The following IQANK1 variants were observed in gnomAD, a reference collection of about 807,000 sequenced individuals.
IQANK1 encodes the protein IQ motif and ankyrin repeat containing 1.
In IQANK1, 30 loss-of-function variants were observed where a neutral mutation model predicts 22.6. That is an observed-to-expected ratio of 1.33 (90% CI 0.99 to 1.80). IQANK1 has a LOEUF of 1.80. Ranked by LOEUF, IQANK1 falls within the 40% of genes most tolerant of loss-of-function variation. The pLI is 0.00. For synonymous variants in IQANK1, 122 were observed against 99.6 expected (o/e 1.23, Z -1.34); for missense variants, 275 against 235.2 (o/e 1.17, Z -1.11).
chr8:143,770,314 T>C (rs1437428574), intron 3 of IQANK1, among the ~76,000 whole-genome samples: 1 of 152,248 alleles, frequency 6.6e-6, no homozygotes. Context: ...GAGTGTTTGC[T>C]CTTTGCTTGC....
chr8:143,751,664 G>GTGTGTGTATATA lies in IQANK1; in HGVS notation c.175+11717_175+11718insGTGTGTATATAT, dbSNP rs370428606. ...TGTGTGTGTGTGTGTGTGTGTGTGTGTATATATATATATAAAATCCTATAC... is the reference window on the plus strand; with the variant it reads ...TGTGTGTGTGTGTGTGTGTGTGTGTGTGTGTGTATATATATATATATATATAAAATCCTATAC... On this transcript the variant is annotated intron_variant, in intron 3 of 13. Transcript: ENST00000527139. 3.1e-4 allele frequency among the ~76,000 whole-genome samples: 19 copies of GTGTGTGTATATA among 61,548 alleles called. 1 individual carries two copies. The highest frequency in any genetic ancestry group is 8.3e-4 in the African/African-American group (19 of 22,860). 40.4% of individuals were successfully genotyped at this position (61,548 alleles called of 152,430 possible). A position where few individuals can be genotyped will look rare whatever the true frequency, so the allele number is the denominator to read the frequency against.
chr8:143,760,640 T>C (rs1554628821), intron 3 of IQANK1: 3 of 152,044 alleles, frequency 2.0e-5, no homozygotes, highest in Non-Finnish European at 4.4e-5. Context: ...CCTGAGCGTG[T>C]CACTGCAATC....
intron 3 of IQANK1, chr8:143,745,398 G>A: frequency 6.6e-6 from 1 of 152,278 alleles, no homozygotes; most frequent in East Asian, 1.9e-4. Context: ...CTCCTGCCAG[G>A]AGTTCACTCA....
At chr8:143,785,196 G>C (rs1819863705) in intron 7 of IQANK1, among the ~76,000 whole-genome samples, 2 of 149,572 alleles carry the variant, frequency 1.3e-5, no homozygotes, top group South Asian at 4.3e-4. Flanking sequence ...ATCATTTGTA[G>C]TTTCTGCAGA....
At chr8:143,779,327 G>T in intron 7 of IQANK1, among the ~76,000 whole-genome samples, 1 of 152,206 alleles carries the variant, frequency 6.6e-6, no homozygotes, top group Middle Eastern at 3.4e-3. Flanking sequence ...ACTGTGTCTC[G>T]TTCACCCCTT....
intron 3 of IQANK1, among the ~76,000 whole-genome samples, chr8:143,764,444 G>A (rs1184329031): frequency 3.5e-5 from 4 of 113,144 alleles, no homozygotes; most frequent in Non-Finnish European, 5.6e-5. Context: ...GTGAGACTCC[G>A]TCGCTACAAA....
In IQANK1 at chr8:143,771,136, G is replaced by A. The variant is rs1554629709; in HGVS notation, c.176-352G>A. On this transcript the variant is annotated intron_variant, in intron 3 of 13. Coordinates refer to ENST00000527139, the MANE Select transcript of IQANK1 (RefSeq NM_001381874.1). This position sits in a 1 kb window ranked among gnomAD's most constrained non-coding sequence, Gnocchi z 6.0. ...TTCGCTCGCTGGGGCCTGGATGCAG[G>A]AGGGGCCTTCGGCTTTCAGGGAAGG... 6.6e-6 allele frequency among the ~76,000 whole-genome samples: 1 copy of A among 152,226 alleles called. No individual in the cohort carries two copies. Among genetic ancestry groups the A allele is most frequent in the African/African-American group, 2.4e-5 (1 of 41,464 alleles).
intron 7 of IQANK1, among the ~76,000 whole-genome samples, chr8:143,780,752 G>A (rs1282696864): frequency 6.6e-6 from 1 of 152,190 alleles, no homozygotes; most frequent in Non-Finnish European, 1.5e-5. Flanking sequence ...TTGAGTCCAT[G>A]TCTTTGCTAT....
intron 7 of IQANK1, among the ~76,000 whole-genome samples, chr8:143,782,454 GCTTA>G (rs56135238): frequency 0.57 from 86,736 of 151,606 alleles, 30,202 homozygotes; most frequent in Non-Finnish European, 0.77. Flanking sequence ...GCTTGTCAGT[GCTTA>G]CTTTCTTGCT....
At chr8:143,780,412 G>C (rs1819776053) in intron 7 of IQANK1, among the ~76,000 whole-genome samples, 1 of 152,118 alleles carries the variant, frequency 6.6e-6, no homozygotes, top group Non-Finnish European at 1.5e-5. Context: ...TTGTCGTACA[G>C]ATTATTTCCT....
chr8:143,780,715 CT>C (rs1819781445), intron 7 of IQANK1, among the ~76,000 whole-genome samples: 1 of 152,152 alleles, frequency 6.6e-6, no homozygotes, highest in South Asian at 2.1e-4. Flanking sequence ...TTTTCTTTAT[CT>C]TGTCTGTCAC....
At chr8:143,756,276 A>G (rs1554628462) in intron 3 of IQANK1, among the ~76,000 whole-genome samples, 1 of 152,090 alleles carries the variant, frequency 6.6e-6, no homozygotes, top group South Asian at 2.1e-4. Flanking sequence ...TCACAGCTCA[A>G]AGTGCTTCTC....
At chr8:143,786,789 G>A (rs1165657985) in intron 7 of IQANK1, among the ~76,000 whole-genome samples, 6 of 152,198 alleles carry the variant, frequency 3.9e-5, no homozygotes, top group African/African-American at 1.2e-4. Context: ...TGGCATACAA[G>A]GGAGAACTTG....
chr8:143,763,401 A>G (rs994882067), intron 3 of IQANK1, among the ~76,000 whole-genome samples: 1 of 152,118 alleles, frequency 6.6e-6, no homozygotes, highest in Non-Finnish European at 1.5e-5. Flanking sequence ...TGCTCTAAGT[A>G]TTTTATATTT....
chr8:143,762,828 A>T (rs546535246), intron 3 of IQANK1, among the ~76,000 whole-genome samples: 1 of 152,274 alleles, frequency 6.6e-6, no homozygotes, highest in Non-Finnish European at 1.5e-5. Context: ...TATTGAAATA[A>T]AACTGGAGAA....
At chr8:143,778,500 GC>G (rs1819733708) in intron 7 of IQANK1, among the ~76,000 whole-genome samples, 2 of 152,120 alleles carry the variant, frequency 1.3e-5, no homozygotes, top group South Asian at 4.1e-4. Context: ...GTTTCAAAAT[GC>G]ATGAAGCAAA....
intron 7 of IQANK1, among the ~76,000 whole-genome samples, chr8:143,783,596 ATTCTT>A (rs1554631116): frequency 6.6e-6 from 1 of 152,156 alleles, no homozygotes; most frequent in Admixed American, 6.5e-5. Context: ...AAATTTTATC[ATTCTT>A]TTCCTTTATG....
chr8:143,755,156 T>A (rs782703431), intron 3 of IQANK1, among the ~76,000 whole-genome samples: 1 of 152,116 alleles, frequency 6.6e-6, no homozygotes, highest in African/African-American at 2.4e-5. Context: ...TCCCATAAGA[T>A]ACAGTGATAT....
chr8:143,772,827 T>C (rs1459654832), intron 7 of IQANK1, among the ~76,000 whole-genome samples: 1 of 152,204 alleles, frequency 6.6e-6, no homozygotes, highest in African/African-American at 2.4e-5. Flanking sequence ...GAGGAAGTGG[T>C]GTTACTGATG....
Sources: gnomAD v4.1 joint callset for allele counts (sites outside exome capture counted in the v4.1 genomes callset) on GRCh38, gnomAD v4.1.1 for gene constraint, Gnocchi (gnomAD v3.1) non-coding constraint, MANE v1.5 for transcripts, NCBI Gene and HGNC (gene_info 2026-07-23, HGNC 2026-07-21) for gene names.